ZNF804A: variants seen among roughly 807,000 people sequenced by gnomAD.
The protein encoded by ZNF804A is zinc finger protein 804A.
ZNF804A carries 2 observed loss-of-function variants against 16.5 expected under a neutral mutation model. That is an observed-to-expected ratio of 0.12 (90% CI 0.05 to 0.38). The LOEUF (loss-of-function observed/expected upper bound fraction) is 0.38. Ranked by LOEUF, ZNF804A falls within the 10% of genes least tolerant of loss-of-function variation. The pLI, the probability that ZNF804A is intolerant of heterozygous loss-of-function variation, is 0.99. For synonymous variants in ZNF804A, 534 were observed against 489.6 expected (o/e 1.09, Z -1.20); for missense variants, 1,473 against 1,390.7 (o/e 1.06, Z -0.94).
chr2:184,811,223 T>C (rs1231187747), intron 1 of ZNF804A, among the ~76,000 whole-genome samples: 1 of 152,144 alleles, frequency 6.6e-6, no homozygotes, highest in East Asian at 1.9e-4. Context: ...TCAAAATCAT[T>C]GACAAGGAAA....
At chr2:184,705,166 A>G (rs1559130797) in intron 1 of ZNF804A, among the ~76,000 whole-genome samples, 1 of 152,148 alleles carries the variant, frequency 6.6e-6, no homozygotes, top group Non-Finnish European at 1.5e-5. Context: ...GATAGTTGCG[A>G]TATTTTAGGA....
chr2:184,756,250 T>C (rs939555407), intron 1 of ZNF804A, among the ~76,000 whole-genome samples: 2 of 152,004 alleles, frequency 1.3e-5, no homozygotes, highest in African/African-American at 4.8e-5. Flanking sequence ...TTTTTAATTT[T>C]ATTTCATGTT....
intron 1 of ZNF804A, among the ~76,000 whole-genome samples, chr2:184,862,664 A>C (rs1695818156): frequency 7.7e-6 from 1 of 129,362 alleles, no homozygotes; most frequent in African/African-American, 4.0e-5. Context: ...ATAGTTATTA[A>C]CTTTTTTTAA....
chr2:184,835,263 G>T (rs1231348486), intron 1 of ZNF804A, among the ~76,000 whole-genome samples: 1 of 152,004 alleles, frequency 6.6e-6, no homozygotes, highest in African/African-American at 2.4e-5. Context: ...CAGAGGTACT[G>T]GTCCTTGCAG....
intron 1 of ZNF804A, among the ~76,000 whole-genome samples, chr2:184,812,881 A>C (rs1694922940): frequency 1.3e-5 from 2 of 152,312 alleles, no homozygotes; most frequent in South Asian, 2.1e-4. Context: ...TGGTGAGAGT[A>C]AAGAATACAT....
chr2:184,929,358 C>T (rs377316434), intron 2 of ZNF804A, among the ~76,000 whole-genome samples: 14 of 152,206 alleles, frequency 9.2e-5, no homozygotes, highest in African/African-American at 3.4e-4. Flanking sequence ...TTGGAAAATA[C>T]GGTTTGTTTT....
intron 1 of ZNF804A, among the ~76,000 whole-genome samples, chr2:184,734,319 G>A (rs72901836): frequency 0.052 from 7,928 of 151,896 alleles, 262 homozygotes; most frequent in Middle Eastern, 0.078. Context: ...GTAAATTACC[G>A]TCTAAACACT....
chr2:184,765,137 T>C (rs1694098667), intron 1 of ZNF804A, among the ~76,000 whole-genome samples: 1 of 152,196 alleles, frequency 6.6e-6, no homozygotes, highest in African/African-American at 2.4e-5. Context: ...AATATAGTTT[T>C]GCTGGTGACA....
chr2:184,835,364 A>G (rs898101289), intron 1 of ZNF804A, among the ~76,000 whole-genome samples: 8 of 152,178 alleles, frequency 5.3e-5, no homozygotes, highest in Non-Finnish European at 7.4e-5. Flanking sequence ...CTTGCAAATT[A>G]AAGGGCAGAT....
intron 1 of ZNF804A, among the ~76,000 whole-genome samples, chr2:184,638,022 C>T (rs1242265853): frequency 6.6e-6 from 1 of 152,116 alleles, no homozygotes; most frequent in Non-Finnish European, 1.5e-5. Context: ...TGTAAAGAAC[C>T]TTCCCCTTGT....
intron 1 of ZNF804A, among the ~76,000 whole-genome samples, chr2:184,712,776 C>T (rs1422754182): frequency 6.6e-6 from 1 of 151,464 alleles, no homozygotes; most frequent in Non-Finnish European, 1.5e-5. Flanking sequence ...CTGGTTCTTT[C>T]TTCTGATCAA....
chr2:184,885,053 C>G (rs1181193268), intron 2 of ZNF804A, among the ~76,000 whole-genome samples: 1 of 152,090 alleles, frequency 6.6e-6, no homozygotes, highest in African/African-American at 2.4e-5. Flanking sequence ...CGAACAGACA[C>G]TTTGCAAAAG....
At chr2:184,835,026 A>G (rs1366439846) in intron 1 of ZNF804A, among the ~76,000 whole-genome samples, 1 of 152,202 alleles carries the variant, frequency 6.6e-6, no homozygotes, top group Non-Finnish European at 1.5e-5. Context: ...TTTGGCAGGC[A>G]CAGAACTAGG....
chr2:184,886,429 C>T (rs1430681433), intron 2 of ZNF804A, among the ~76,000 whole-genome samples: 1 of 152,160 alleles, frequency 6.6e-6, no homozygotes, highest in African/African-American at 2.4e-5. Context: ...ATCTGCCATT[C>T]TGGGATCTGG....
rs548313209 is a variant in ZNF804A, at chr2:184,744,268, A to G, written c.112-122101A>G. On this transcript the variant is annotated intron_variant, in intron 1 of 3. Transcript: ENST00000302277. The stretch of plus-strand genomic sequence containing the variant: ...ACAAGGATCAAACCAACACATTGCA[A>G]TTATTTTGTATTATATACAGTATAA... Among the ~76,000 whole-genome samples, 68 of 151,988 alleles carry G rather than the reference A, an allele frequency of 4.5e-4. No homozygotes were observed. In the Middle Eastern group the frequency reaches 0.014, roughly 30 times the overall value.
chr2:184,878,137 G>A (rs1423477678), intron 2 of ZNF804A, among the ~76,000 whole-genome samples: 2 of 152,072 alleles, frequency 1.3e-5, no homozygotes, highest in Non-Finnish European at 2.9e-5. Flanking sequence ...AGATTGCTGT[G>A]TTTAAATTTT....
At chr2:184,906,672 A>G (rs766404339) in intron 2 of ZNF804A, among the ~76,000 whole-genome samples, 1 of 152,016 alleles carries the variant, frequency 6.6e-6, no homozygotes, top group Non-Finnish European at 1.5e-5. Context: ...CATCAAGATT[A>G]CCAGTACCCC....
At chr2:184,737,393 A>G (rs1693643294) in intron 1 of ZNF804A, among the ~76,000 whole-genome samples, 1 of 152,088 alleles carries the variant, frequency 6.6e-6, no homozygotes, top group Non-Finnish European at 1.5e-5. Context: ...TTTTAAAATC[A>G]TGAAATAGTG....
intron 1 of ZNF804A, among the ~76,000 whole-genome samples, chr2:184,733,436 T>G (rs1693552757): frequency 6.6e-6 from 1 of 152,108 alleles, no homozygotes; most frequent in South Asian, 2.1e-4. Context: ...TTGATATAAT[T>G]TGGAGGGGAG....
Sources: allele counts gnomAD v4.1 joint callset (sites outside exome capture counted in the v4.1 genomes callset), GRCh38; gene constraint gnomAD v4.1.1; transcripts MANE v1.5; gene names NCBI Gene and HGNC (gene_info 2026-07-23, HGNC 2026-07-21).